CALCR: variants seen among roughly 807,000 people sequenced by gnomAD.
The protein encoded by CALCR is calcitonin receptor.
A neutral mutation model predicts 59.5 loss-of-function variants in CALCR; 47 were observed. The ratio of observed to expected loss-of-function variants is 0.79; its 90% CI spans 0.63 to 1.01. The LOEUF (loss-of-function observed/expected upper bound fraction) is 1.01. CALCR is among the 50% of genes least tolerant of loss of function. CALCR has a pLI of 0.00. For synonymous variants in CALCR, 213 were observed against 211.3 expected (o/e 1.01, Z -0.07); for missense variants, 566 against 597.1 (o/e 0.95, Z 0.54).
chr7:93,478,389 G>A (rs1177894475), intron 4 of CALCR, among the ~76,000 whole-genome samples: 1 of 151,750 alleles, frequency 6.6e-6, no homozygotes, highest in Non-Finnish European at 1.5e-5. Flanking sequence ...TCCCTACCAA[G>A]TTGGGTTGTC....
intron 2 of CALCR, among the ~76,000 whole-genome samples, chr7:93,569,941 C>T (rs1375148002): frequency 1.3e-5 from 2 of 149,716 alleles, no homozygotes; most frequent in Non-Finnish European, 3.0e-5. Context: ...AAGGGACACA[C>T]ACACACACAC....
At chr7:93,426,684 A>C in intron 13 of CALCR, 95 bp from the exon 14 acceptor site, 1 of 674,988 alleles carries the variant, frequency 1.5e-6, no homozygotes, top group Non-Finnish European at 2.5e-6. Flanking sequence ...TCAGATTTAA[A>C]GAAAGTTAAA....
rs1252311624 is a variant in CALCR at position 93,569,546 on chromosome 7, G to T, written c.-27+4743C>A. Among the ~76,000 whole-genome samples, 4 of 151,904 alleles carry T rather than the reference G, an allele frequency of 2.6e-5. No individual in the cohort carries two copies. In the East Asian group the frequency reaches 7.7e-4, roughly 29 times the overall value. ...TCCCTAGAAAATTTCCCTGATGTCC[G>T]GGCTGGTTGTCCGGCTAGGCACCCT... On this transcript the variant is annotated intron_variant, in intron 2 of 13. Coordinates refer to ENST00000426151, the MANE Select transcript of CALCR (RefSeq NM_001742.4).
intron 2 of CALCR, among the ~76,000 whole-genome samples, chr7:93,543,996 G>C (rs1469033215): frequency 6.6e-6 from 1 of 151,620 alleles, no homozygotes; most frequent in Non-Finnish European, 1.5e-5. Flanking sequence ...GACATAAACT[G>C]CTTAACATAC....
chr7:93,482,337 C>T (rs550266796), intron 3 of CALCR, among the ~76,000 whole-genome samples: 2 of 151,894 alleles, frequency 1.3e-5, no homozygotes, highest in African/African-American at 4.8e-5. Context: ...TTTTGTGGCT[C>T]TAAAATCTTC....
chr7:93,556,965 G>T (rs893076562), intron 2 of CALCR, among the ~76,000 whole-genome samples: 1 of 152,040 alleles, frequency 6.6e-6, no homozygotes, highest in African/African-American at 2.4e-5. Context: ...ATTTTCACAA[G>T]TAATACTAAA....
rs117101648 is a variant in CALCR, at chr7:93,482,929, T to A, written c.52-3422A>T. On this transcript the variant is annotated intron_variant, in intron 3 of 13. Transcript: ENST00000426151. ...CCTGGTCTGGTTCATATTTGAGCAC[T>A]GAAGATGGAATTTTCCCAACAGTAG... The A allele has an allele frequency of 6.0e-4, 307 of 512,696 alleles. 2 individuals carry two copies. The East Asian group carries it at 0.016, about 26-fold the overall frequency. 31.8% of individuals were successfully genotyped at this position (512,696 alleles called of 1,614,324 possible).
At chr7:93,568,576 T>G (rs533087992) in intron 2 of CALCR, among the ~76,000 whole-genome samples, 17 of 148,478 alleles carry the variant, frequency 1.1e-4, no homozygotes, top group Non-Finnish European at 1.9e-4. Flanking sequence ...CTGTAGTCTT[T>G]CATCTCTGTC....
At position 93,522,282 on chromosome 7, in the gene CALCR, A is replaced by G. The variant is rs139591381; in HGVS notation, c.-26-35275T>C. Among the ~76,000 whole-genome samples, 453 of 152,280 alleles carry G rather than the reference A, an allele frequency of 3.0e-3. 1 individual carries two copies. Among genetic ancestry groups the G allele is most frequent in the African/African-American group, 0.011 (437 of 41,552 alleles). On this transcript the variant is annotated intron_variant, in intron 2 of 13. Coordinates refer to ENST00000426151, the MANE Select transcript of CALCR (RefSeq NM_001742.4). Reference sequence around the variant, plus strand: ...TGATACTGATTTATCAATTTGTAAGACATTTGAAACTATTTCTCTTTTATA... The same window carrying G: ...TGATACTGATTTATCAATTTGTAAGGCATTTGAAACTATTTCTCTTTTATA...
chr7:93,526,399 G>C (rs191226815), intron 2 of CALCR, among the ~76,000 whole-genome samples: 64 of 152,026 alleles, frequency 4.2e-4, no homozygotes, highest in Non-Finnish European at 7.1e-4. Context: ...AAAGAAGGGG[G>C]GAAAAGGCAG....
intron 2 of CALCR, among the ~76,000 whole-genome samples, chr7:93,543,649 G>T (rs987086056): frequency 4.5e-5 from 6 of 133,986 alleles, no homozygotes; most frequent in Non-Finnish European, 1.0e-4. Context: ...TATGGCCCAT[G>T]ATTATATATA....
intron 12 of CALCR, 29 bp from the exon 13 acceptor site, chr7:93,434,323 A>G (rs200532121): frequency 6.4e-7 from 1 of 1,567,292 alleles, no homozygotes; most frequent in East Asian, 2.3e-5. Flanking sequence ...ATACAGTTGA[A>G]GTTATTTTTG....
chr7:93,440,707 G>T (rs968086302), intron 9 of CALCR, among the ~76,000 whole-genome samples: 1 of 151,658 alleles, frequency 6.6e-6, no homozygotes, highest in African/African-American at 2.4e-5. Context: ...TATTATTCTG[G>T]CAAGAACAAT....
At chr7:93,456,816 C>T (rs1286378205) in intron 8 of CALCR, among the ~76,000 whole-genome samples, 1 of 152,068 alleles carries the variant, frequency 6.6e-6, no homozygotes, top group Non-Finnish European at 1.5e-5. Context: ...TTTAAGAATG[C>T]CTAGTGTGTT....
At chr7:93,436,790 A>C (rs1437568864) in intron 11 of CALCR, among the ~76,000 whole-genome samples, 3 of 152,132 alleles carry the variant, frequency 2.0e-5, no homozygotes, top group Non-Finnish European at 4.4e-5. Context: ...CTAAAAACAC[A>C]TTTTTTGGTG....
At chr7:93,469,360 T>C (rs1436868967) in intron 6 of CALCR, among the ~76,000 whole-genome samples, 1 of 151,722 alleles carries the variant, frequency 6.6e-6, no homozygotes. Context: ...TTAATTTTAT[T>C]TATTCTCCCA....
In CALCR at chr7:93,471,281, C is replaced by T. The variant is rs1458481209; in HGVS notation, c.429+1094G>A. ...ATTCGGAAAATTCACTACTCTGTGA[C>T]ATAGCTTATTAATCAGACTTTATTA... On this transcript the variant is annotated intron_variant, in intron 6 of 13. Coordinates refer to ENST00000426151, the MANE Select transcript of CALCR (RefSeq NM_001742.4). Among the ~76,000 whole-genome samples the T allele has an allele frequency of 1.9e-4, 29 of 151,718 alleles. 1 individual carries two copies. The highest frequency in any genetic ancestry group is 1.9e-3 in the Admixed American group (29 of 15,180).
chr7:93,468,887 G>A, intron 6 of CALCR, 81 bp from the exon 7 acceptor site: 1 of 699,230 alleles, frequency 1.4e-6, no homozygotes, highest in Non-Finnish European at 2.2e-6. Flanking sequence ...CTAAATATAT[G>A]TAAATCAACA....
chr7:93,435,759 T>C (rs1476390476), intron 12 of CALCR, among the ~76,000 whole-genome samples, 193 bp downstream of exon 12: 1 of 150,610 alleles, frequency 6.6e-6, no homozygotes, highest in African/African-American at 2.4e-5. Flanking sequence ...TGAGTTGAGA[T>C]CATGCCACTG....
Sources: gnomAD v4.1 joint callset for allele counts (sites outside exome capture counted in the v4.1 genomes callset) on GRCh38, gnomAD v4.1.1 for gene constraint, MANE v1.5 for transcripts, NCBI Gene and HGNC (gene_info 2026-07-23, HGNC 2026-07-21) for gene names.